The following ZDHHC21 variants were observed in gnomAD, a reference collection of about 807,000 sequenced individuals.
The protein encoded by ZDHHC21 is palmitoyltransferase ZDHHC21.
Under a neutral mutation model 34.6 loss-of-function variants are expected in ZDHHC21, and 15 were observed. The observed-to-expected ratio is 0.43, with a 90% confidence interval of 0.29 to 0.67. The LOEUF (loss-of-function observed/expected upper bound fraction) is 0.67. Ranked by LOEUF, ZDHHC21 falls within the 30% of genes least tolerant of loss-of-function variation. ZDHHC21 has a pLI of 0.14. For missense variants in ZDHHC21, 344 were observed against 327.7 expected (o/e 1.05, Z -0.38); for synonymous variants, 142 against 101.8 (o/e 1.40, Z -2.38).
intron 7 of ZDHHC21, among the ~76,000 whole-genome samples, 188 bp downstream of exon 7, chr9:14,658,561 C>T (rs1832754417): frequency 6.8e-6 from 1 of 147,514 alleles, no homozygotes; most frequent in Non-Finnish European, 1.5e-5. Flanking sequence ...GGCTCCGCCC[C>T]CTGGGGTTCA....
chr9:14,651,082 A>T lies in ZDHHC21; in HGVS notation c.504+7667T>A, dbSNP rs1016327463. ...AGTAATAGCCACAAATTATTTTTTT[A>T]AAAACCTTGTATTTTCTCATGTAGA... On this transcript the variant is annotated intron_variant, in intron 7 of 9. Coordinates refer to ENST00000380916, the MANE Select transcript of ZDHHC21 (RefSeq NM_178566.6). Among the ~76,000 whole-genome samples the T allele has an allele frequency of 3.3e-5, 5 of 151,930 alleles. No individual in the cohort carries two copies. In the South Asian group the frequency reaches 8.3e-4, roughly 25 times the overall value.
chr9:14,620,516 C>T (rs1480012338), intron 8 of ZDHHC21, among the ~76,000 whole-genome samples: 1 of 151,518 alleles, frequency 6.6e-6, no homozygotes, highest in Non-Finnish European at 1.5e-5. Context: ...AAGTTTTCCT[C>T]TTTTTATCCC....
At chr9:14,683,901 G>A (rs1279342522) in intron 2 of ZDHHC21, among the ~76,000 whole-genome samples, 2 of 152,118 alleles carry the variant, frequency 1.3e-5, no homozygotes, top group African/African-American at 2.4e-5. Context: ...TTCAACATAC[G>A]AAAATCAATA....
chr9:14,649,709 T>C (rs927483053), intron 7 of ZDHHC21, among the ~76,000 whole-genome samples: 3 of 152,090 alleles, frequency 2.0e-5, no homozygotes, highest in Admixed American at 6.6e-5. Flanking sequence ...TAATCATATG[T>C]ATGCAATTGT....
intron 2 of ZDHHC21, among the ~76,000 whole-genome samples, chr9:14,689,496 G>A (rs541788765): frequency 2.6e-5 from 4 of 152,316 alleles, no homozygotes; most frequent in South Asian, 4.1e-4. Context: ...TGTAGACTAA[G>A]TCTTTAAATT....
intron 2 of ZDHHC21, among the ~76,000 whole-genome samples, chr9:14,685,039 T>C (rs146988672): frequency 0.033 from 4,948 of 152,242 alleles, 281 homozygotes; most frequent in African/African-American, 0.11. Context: ...TTAAGCCTTA[T>C]ACAAAAATTA....
At chr9:14,605,869 T>A in the ZDHHC21 span, among the ~76,000 whole-genome samples, 114 of 152,282 alleles carry the variant, frequency 7.5e-4, no homozygotes, top group African/African-American at 2.7e-3. Flanking sequence ...CACTATACAA[T>A]ATTACAGAAA....
chr9:14,674,180 AACTT>A lies in ZDHHC21; in HGVS notation c.154+3_154+6del. 6.7e-7 allele frequency: 1 copy of A among 1,482,102 alleles called. No homozygotes were observed. The highest frequency in any genetic ancestry group is 8.9e-7 in the Non-Finnish European group (1 of 1,119,336). The allele number at this position is 1,482,102 out of a possible 1,614,324, so 91.8% of individuals were successfully genotyped here. On this transcript the variant is annotated splice_donor_5th_base_variant and intron_variant, in intron 4 of 9. Transcript: ENST00000380916. ...TTATACAAGAAAATAAAGATCAAGA[AACTT>A]ACTTATTATTAATATGCCTGGAATA...
At chr9:14,590,115 A>G in the ZDHHC21 span, 2 of 152,322 alleles carry the variant, frequency 1.3e-5, no homozygotes, top group East Asian at 1.9e-4. Context: ...GAAAAACTAA[A>G]TATGACTTCT....
At chr9:14,653,904 TAATA>T (rs1831710059) in intron 7 of ZDHHC21, among the ~76,000 whole-genome samples, 1 of 151,970 alleles carries the variant, frequency 6.6e-6, no homozygotes, top group Admixed American at 6.6e-5. Flanking sequence ...TCCAATTAAT[TAATA>T]AATACACAGC....
chr9:14,597,677 C>T, the ZDHHC21 span, among the ~76,000 whole-genome samples: 1 of 152,142 alleles, frequency 6.6e-6, no homozygotes, highest in Non-Finnish European at 1.5e-5. Flanking sequence ...CCACCCACTG[C>T]TACTGCTGCC....
intron 6 of ZDHHC21, 70 bp downstream of exon 6, chr9:14,662,145 C>A (rs2133946235): frequency 1.8e-6 from 2 of 1,089,260 alleles, no homozygotes; most frequent in East Asian, 2.6e-5. Context: ...TTGTTTAAAG[C>A]TGCCAAGTTG....
intron 5 of ZDHHC21, among the ~76,000 whole-genome samples, chr9:14,664,699 C>T (rs983905012): frequency 1.1e-4 from 16 of 151,808 alleles, no homozygotes; most frequent in African/African-American, 2.9e-4. Context: ...CCCTGACCCC[C>T]AAGCAGCCTA....
At chr9:14,675,880 G>C (rs1407018855) in intron 3 of ZDHHC21, among the ~76,000 whole-genome samples, 1 of 151,856 alleles carries the variant, frequency 6.6e-6, no homozygotes, top group Non-Finnish European at 1.5e-5. Context: ...AATGAAAAGT[G>C]ACAAGAATAC....
At chr9:14,624,966 C>G (rs1825955342) in intron 8 of ZDHHC21, among the ~76,000 whole-genome samples, 2 of 152,010 alleles carry the variant, frequency 1.3e-5, no homozygotes, top group African/African-American at 4.8e-5. Flanking sequence ...AAACACTACT[C>G]AGGCAAGTTT....
At chr9:14,599,850 T>C in the ZDHHC21 span, among the ~76,000 whole-genome samples, 431 of 152,180 alleles carry the variant, frequency 2.8e-3, 2 homozygotes, top group African/African-American at 9.9e-3. Context: ...GCTGGTTCAA[T>C]ATATGCAAAT....
At chr9:14,665,978 G>T (rs997742011) in intron 5 of ZDHHC21, among the ~76,000 whole-genome samples, 9 of 148,834 alleles carry the variant, frequency 6.0e-5, no homozygotes, top group Non-Finnish European at 1.2e-4. Context: ...ATAATGACAG[G>T]ATCAAATTCA....
chr9:14,645,211 A>T (rs1830084226), intron 7 of ZDHHC21, among the ~76,000 whole-genome samples: 1 of 152,134 alleles, frequency 6.6e-6, no homozygotes, highest in Admixed American at 6.6e-5. Flanking sequence ...CATTTCTTAT[A>T]AAACCACAGT....
downstream of ZDHHC21, among the ~76,000 whole-genome samples, chr9:14,608,763 G>A (rs528390155): frequency 1.6e-4 from 24 of 151,668 alleles, no homozygotes; most frequent in Non-Finnish European, 2.6e-4. Flanking sequence ...GCTCTTGCAC[G>A]CTAATATAAT....
Sources: gnomAD v4.1 joint callset for allele counts (sites outside exome capture counted in the v4.1 genomes callset) on GRCh38, gnomAD v4.1.1 for gene constraint, MANE v1.5 for transcripts, NCBI Gene and HGNC (gene_info 2026-07-23, HGNC 2026-07-21) for gene names.